CSTF3: variants seen among roughly 807,000 people sequenced by gnomAD.
The protein encoded by CSTF3 is cleavage stimulation factor subunit 3.
In CSTF3, 29 loss-of-function variants were observed where a neutral mutation model predicts 105.8. The ratio of observed to expected loss-of-function variants is 0.27; its 90% CI spans 0.20 to 0.37. The LOEUF (loss-of-function observed/expected upper bound fraction) is 0.37. Ranked by LOEUF, CSTF3 falls within the 10% of genes least tolerant of loss-of-function variation. The pLI is 1.00. For synonymous variants in CSTF3, 252 were observed against 281.9 expected, an observed-to-expected ratio of 0.89 and a Z score of 1.06; for missense variants, 357 against 879.3, an observed-to-expected ratio of 0.41 and a Z score of 7.51.
Position 33,095,830 on chromosome 11 carries a change from AT to A in CSTF3, c.1375+475del, listed in dbSNP as rs1217739454. 9.1e-3 allele frequency among the ~76,000 whole-genome samples: 1,367 copies of A among 150,814 alleles called. 21 individuals are homozygous for A. Among genetic ancestry groups the A allele is most frequent in the Middle Eastern group, 0.014 (4 of 294 alleles). On this transcript the variant is annotated intron_variant, in intron 15 of 20. Coordinates refer to ENST00000323959, the MANE Select transcript of CSTF3 (RefSeq NM_001326.3). ...GCGAGACTCTGTCTCAAATAAATAA[AT>A]AAATAAATAAATAAATAAATAAATA... is the stretch of plus-strand genomic sequence containing the variant.
Position 33,099,926 on chromosome 11 carries a change from C to G in CSTF3, c.827-209G>C, listed in dbSNP as rs552016351. On this transcript the variant is annotated intron_variant, in intron 10 of 20. Transcript: ENST00000323959. The surrounding 1 kb of genome is among the most constrained non-coding windows in gnomAD (Gnocchi z 4.1). ...TTTTTTTTATTTTTGGAAGCAGGGT[C>G]TCTGTCACGTAGGCTGGAGTGCAGT... 3.3e-4 allele frequency among the ~76,000 whole-genome samples: 50 copies of G among 152,246 alleles called. No homozygotes were observed. The highest frequency in any genetic ancestry group is 6.5e-4 in the Admixed American group (10 of 15,286).
At chr11:33,095,831 T>A (rs141098304) in intron 15 of CSTF3, among the ~76,000 whole-genome samples, 7,219 of 135,452 alleles carry the variant, frequency 0.053, 273 homozygotes, top group South Asian at 0.17. Flanking sequence ...AATAAATAAA[T>A]AAATAAATAA....
chr11:33,116,220 C>T (rs1855429792), intron 3 of CSTF3, among the ~76,000 whole-genome samples: 1 of 152,100 alleles, frequency 6.6e-6, no homozygotes, highest in African/African-American at 2.4e-5. Flanking sequence ...TCCACTTTCC[C>T]AAGCCAACTA....
At chr11:33,110,976 A>G (rs1336550610) in intron 3 of CSTF3, among the ~76,000 whole-genome samples, 1 of 152,188 alleles carries the variant, frequency 6.6e-6, no homozygotes, top group Non-Finnish European at 1.5e-5. Flanking sequence ...CACGCCTGTA[A>G]TCCCAGCACT....
In CSTF3 at chr11:33,161,199, C is replaced by T. The variant is rs979424052; in HGVS notation, c.27+100G>A. 7 of 1,345,698 alleles carry T rather than the reference C, an allele frequency of 5.2e-6. No homozygotes were observed. In the Admixed American group the frequency reaches 5.3e-5, roughly 10 times the overall value. The allele number at this position is 1,345,698 out of a possible 1,614,324, so 83.4% of individuals were successfully genotyped here. ...CTATATACCCTGTCCCCCGGGTTCACTAGACCCAATTCCTTCCTCAGCCGA... is the reference window on the plus strand; with the variant it reads ...CTATATACCCTGTCCCCCGGGTTCATTAGACCCAATTCCTTCCTCAGCCGA... On this transcript the variant is annotated intron_variant, in intron 1 of 20. Coordinates refer to ENST00000323959, the MANE Select transcript of CSTF3 (RefSeq NM_001326.3).
At chr11:33,149,121 T>A (rs1855824496) in intron 1 of CSTF3, among the ~76,000 whole-genome samples, 1 of 152,216 alleles carries the variant, frequency 6.6e-6, no homozygotes, top group Non-Finnish European at 1.5e-5. Flanking sequence ...ACATTAATAA[T>A]AAAAGGGAAT....
rs1347357814 is a variant in CSTF3 at position 33,090,787 on chromosome 11, A to G, written c.1446-60T>C. ...ATTCTGGGTTTAGGGCAGGGAGTTCATTTACAAAAACGCCTTAAGCTCTCT... is the reference window on the plus strand; with the variant it reads ...ATTCTGGGTTTAGGGCAGGGAGTTCGTTTACAAAAACGCCTTAAGCTCTCT... On this transcript the variant is annotated intron_variant, in intron 16 of 20. Transcript: ENST00000323959. 4.9e-6 allele frequency: 6 copies of G among 1,216,924 alleles called. No homozygotes were observed. The East Asian group carries it at 1.5e-4, about 31-fold the overall frequency. The allele number at this position is 1,216,924 out of a possible 1,614,324, so 75.4% of individuals were successfully genotyped here.
At chr11:33,136,603 G>T (rs979606958) in intron 3 of CSTF3, among the ~76,000 whole-genome samples, 2 of 151,888 alleles carry the variant, frequency 1.3e-5, no homozygotes, top group Non-Finnish European at 2.9e-5. Context: ...TTTTATAAAG[G>T]AAAGTCAATT....
chr11:33,139,137 TA>T (rs949963940), intron 3 of CSTF3, among the ~76,000 whole-genome samples: 4 of 151,918 alleles, frequency 2.6e-5, no homozygotes, highest in African/African-American at 9.7e-5. Context: ...CAAATTTTTT[TA>T]AAAAGTTTAA....
intron 15 of CSTF3, among the ~76,000 whole-genome samples, chr11:33,093,941 C>T (rs1366883553): frequency 1.3e-5 from 2 of 152,138 alleles, no homozygotes; most frequent in Admixed American, 1.3e-4. Context: ...CCCCTCACCT[C>T]GTGATCTGCC....
chr11:33,139,155 T>G (rs1855684000), intron 3 of CSTF3, among the ~76,000 whole-genome samples: 2 of 151,938 alleles, frequency 1.3e-5, no homozygotes, highest in Admixed American at 1.3e-4. Context: ...TTAATACTTT[T>G]TTCCTTTGAC....
At chr11:33,133,745 G>A (rs1322592661) in intron 3 of CSTF3, among the ~76,000 whole-genome samples, 1 of 152,204 alleles carries the variant, frequency 6.6e-6, no homozygotes, top group Non-Finnish European at 1.5e-5. Context: ...AGGAGGCTGA[G>A]GTTGTAGTGA....
chr11:33,135,059 C>G (rs748961260), intron 3 of CSTF3, among the ~76,000 whole-genome samples: 38 of 152,152 alleles, frequency 2.5e-4, no homozygotes, highest in Non-Finnish European at 5.3e-4. Context: ...GATGATTCTC[C>G]CGTAACACTT....
intron 8 of CSTF3, among the ~76,000 whole-genome samples, chr11:33,104,542 C>A (rs943108461): frequency 6.6e-6 from 1 of 152,090 alleles, no homozygotes; most frequent in Non-Finnish European, 1.5e-5. Flanking sequence ...GAGGCCGAGG[C>A]GGGCTAATTG....
At position 33,161,438 on chromosome 11, in the gene CSTF3, A is replaced by G; in HGVS notation, c.-113T>C. Reference sequence around the variant, plus strand: ...AAGTTACCCCCTGCCCAGCTGAGCCAGACCGCCAACACCAATCGCCACCGC... The same window carrying G: ...AAGTTACCCCCTGCCCAGCTGAGCCGGACCGCCAACACCAATCGCCACCGC... On this transcript the variant is annotated 5_prime_UTR_variant, in exon 1 of 21. Coordinates refer to ENST00000323959, the MANE Select transcript of CSTF3 (RefSeq NM_001326.3). 4 of 1,168,228 alleles carry G rather than the reference A, an allele frequency of 3.4e-6. No homozygotes were observed. Among genetic ancestry groups the G allele is most frequent in the South Asian group, 1.3e-5 (1 of 79,712 alleles). The allele number at this position is 1,168,228 out of a possible 1,614,324, so 72.4% of individuals were successfully genotyped here.
At chr11:33,158,199 TAAAGA>T (rs1849890358) in intron 1 of CSTF3, among the ~76,000 whole-genome samples, 1 of 152,174 alleles carries the variant, frequency 6.6e-6, no homozygotes, top group Non-Finnish European at 1.5e-5. Flanking sequence ...ATTAAAAAGT[TAAAGA>T]AAAGGCTATA....
chr11:33,119,929 C>T (rs1237091561), intron 3 of CSTF3, among the ~76,000 whole-genome samples: 1 of 151,606 alleles, frequency 6.6e-6, no homozygotes, highest in African/African-American at 2.4e-5. Flanking sequence ...TTATTCAACC[C>T]TGTTTCTCTA....
chr11:33,090,123 A>T (rs1855152222), intron 17 of CSTF3, among the ~76,000 whole-genome samples: 1 of 152,242 alleles, frequency 6.6e-6, no homozygotes, highest in African/African-American at 2.4e-5. Context: ...CTTACAAAAT[A>T]TGCAACAGGA....
chr11:33,118,564 G>A (rs941420557), intron 3 of CSTF3, among the ~76,000 whole-genome samples: 5 of 151,708 alleles, frequency 3.3e-5, no homozygotes, highest in African/African-American at 1.2e-4. Context: ...TAACATTCAT[G>A]GCTCAATTGG....
Sources: allele counts gnomAD v4.1 joint callset (sites outside exome capture counted in the v4.1 genomes callset), GRCh38; gene constraint gnomAD v4.1.1; non-coding constraint Gnocchi (gnomAD v3.1); transcripts MANE v1.5; gene names NCBI Gene and HGNC (gene_info 2026-07-23, HGNC 2026-07-21).